The following SOX21 variants were observed in gnomAD, a reference collection of about 807,000 sequenced individuals.
SOX21 encodes SRY-box transcription factor 21.
For synonymous variants in SOX21, 237 were observed against 189.7 expected, an observed-to-expected ratio of 1.25 and a Z score of -2.05; for missense variants, 370 against 388.8, an observed-to-expected ratio of 0.95 and a Z score of 0.41.
Position 94,711,421 on chromosome 13 carries a change from G to T in SOX21, c.629C>A (p.Ala210Glu). The T allele has an allele frequency of 1.6e-6, 1 of 613,328 alleles. No individual in the cohort carries two copies. The allele number at this position is 613,328 out of a possible 1,614,324, so 38.0% of individuals were successfully genotyped here. Residue 210 changes from alanine to glutamate, a missense_variant, in exon 1 of 1, where the codon GCG becomes GAG. Ala to Glu is a moderately radical substitution (Grantham distance 107). Coordinates refer to ENST00000376945, the MANE Select transcript of SOX21 (RefSeq NM_007084.4). ...GGCGGCGGCCGCCGCTGCAGCCGCCGCCGCCGCGCCGTGGAAGGCGCCCGC... is the reference window on the plus strand; with the variant it reads ...GGCGGCGGCCGCCGCTGCAGCCGCCTCCGCCGCGCCGTGGAAGGCGCCCGC... ...AGAGAFHGAA[A>E]AAAAAAAAAG...
rs1438192171 is a variant in SOX21, at chr13:94,711,465, C to A, written c.585G>T (p.Leu195=). The change falls in exon 1 of 1, where the codon CTG becomes CTT. Residue 195 remains leucine (L), a synonymous_variant. Coordinates refer to ENST00000376945, the MANE Select transcript of SOX21 (RefSeq NM_007084.4). ...SSSGLPYASS[L]GYPTAGAGAF... ...CGCCCGCGCCCGCGGTCGGGTAGCC[C>A]AGCGACGACGCGTACGGGAGGCCGG... 1 of 1,036,818 alleles carries A rather than the reference C, an allele frequency of 9.6e-7. No homozygotes were observed. Among genetic ancestry groups the A allele is most frequent in the East Asian group, 8.2e-5 (1 of 12,220 alleles). The allele number at this position is 1,036,818 out of a possible 1,614,324, so 64.2% of individuals were successfully genotyped here.
In SOX21 at chr13:94,711,552, C is replaced by T; in HGVS notation, c.498G>A (p.Ala166=). 1 of 961,606 alleles carries T rather than the reference C, an allele frequency of 1.0e-6. No individual in the cohort carries two copies. The highest frequency in any genetic ancestry group is 1.2e-6 in the Non-Finnish European group (1 of 801,488). The allele number at this position is 961,606 out of a possible 1,614,324, so 59.6% of individuals were successfully genotyped here. A position where few individuals can be genotyped will look rare whatever the true frequency, so the allele number is the denominator to read the frequency against. ...AAAAAAAAAA[A]GSPYSLLDLG... is the part of the protein sequence containing the mutation. ...GGTCGAGCAGCGAGTAGGGGCTGCC[C>T]GCGGCGGCGGCGGCGGCGGCAGCGG... Residue 166 remains alanine, a synonymous_variant, in exon 1 of 1, where the codon GCG becomes GCA. Transcript: ENST00000376945.
rs1232132684 is a variant in SOX21, at chr13:94,712,023, C to T, written c.27G>A (p.Lys9=). The part of the protein sequence containing the change: MSKPVDHV[K]RPMNAFMVWS... ...ACACCATGAAGGCGTTCATGGGCCG[C>T]TTGACGTGGTCCACCGGCTTGGACA... The change falls in exon 1 of 1, where the codon AAG becomes AAA. Residue 9 remains lysine (K), a synonymous_variant. Coordinates refer to ENST00000376945, the MANE Select transcript of SOX21 (RefSeq NM_007084.4). This position sits in a 1 kb window ranked among gnomAD's most constrained non-coding sequence, Gnocchi z 5.0. 1 of 1,613,788 alleles carries T rather than the reference C, an allele frequency of 6.2e-7. No individual in the cohort carries two copies. Among genetic ancestry groups the T allele is most frequent in the African/African-American group, 1.3e-5 (1 of 75,010 alleles).
Position 94,711,416 on chromosome 13 carries a change from C to CGG in SOX21, c.633_634insCC (p.Ala212ProfsTer25), listed in dbSNP as rs1875240175. On this transcript the variant is annotated frameshift_variant, in exon 1 of 1. Transcript: ENST00000376945. LOFTEE classifies it high-confidence loss of function. ...CCGGCGGCGGCGGCCGCCGCTGCAG[C>CGG]CGCCGCCGCCGCGCCGTGGAAGGCG... The CGG allele has an allele frequency of 1.3e-5, 7 of 547,750 alleles. No individual in the cohort carries two copies. Among genetic ancestry groups the CGG allele is most frequent in the East Asian group, 1.3e-4 (1 of 7,574 alleles). The allele number at this position is 547,750 out of a possible 1,614,324, so 33.9% of individuals were successfully genotyped here.
At position 94,712,511 on chromosome 13, in the gene SOX21, A is replaced by G; in HGVS notation, c.-462T>C. The G allele has an allele frequency of 3.0e-6, 3 of 987,834 alleles. No individual in the cohort carries two copies. The highest frequency in any genetic ancestry group is 3.6e-6 in the Non-Finnish European group (3 of 832,194). The allele number at this position is 987,834 out of a possible 1,614,324, so 61.2% of individuals were successfully genotyped here. On this transcript the variant is annotated 5_prime_UTR_variant, in exon 1 of 1. Transcript: ENST00000376945. The surrounding 1 kb of genome is among the most constrained non-coding windows in gnomAD (Gnocchi z 5.0). Reference sequence around the variant, plus strand: ...AGGAGCCCGCCGCCGCGTGCTGCCAAGTGCCAAAGGGGGCTCTCAGCGGCT... The same window carrying G: ...AGGAGCCCGCCGCCGCGTGCTGCCAGGTGCCAAAGGGGGCTCTCAGCGGCT...
chr13:94,711,833 G>C lies in SOX21; in HGVS notation c.217C>G (p.Pro73Ala), dbSNP rs1325502658. Residue 73 changes from proline to alanine, a missense_variant, in exon 1 of 1, where the codon CCC (proline) becomes GCC (alanine). Physicochemically the swap from Pro to Ala is conservative, Grantham distance 27. Coordinates refer to ENST00000376945, the MANE Select transcript of SOX21 (RefSeq NM_007084.4). Reference protein sequence around the residue: ...RLRAMHMKEHPDYKYRPRRKP... With the variant: ...RLRAMHMKEHADYKYRPRRKP... ...CGCCGCGGCCGGTACTTGTAGTCGG[G>C]GTGCTCCTTCATGTGCATGGCGCGT... The C allele has an allele frequency of 6.2e-7, 1 of 1,613,950 alleles. No individual in the cohort carries two copies. The highest frequency in any genetic ancestry group is 8.5e-7 in the Non-Finnish European group (1 of 1,179,940).
In SOX21 at chr13:94,711,563, C is replaced by T; in HGVS notation, c.487G>A (p.Ala163Thr). The T allele has an allele frequency of 2.4e-6, 2 of 839,654 alleles. No homozygotes were observed. Among genetic ancestry groups the T allele is most frequent in the East Asian group, 1.2e-4 (1 of 8,394 alleles). 52.0% of individuals were successfully genotyped at this position (839,654 alleles called of 1,614,324 possible). The change falls in exon 1 of 1, where the codon GCC (alanine) becomes ACC (threonine). Residue 163 changes from alanine (A) to threonine (T), a missense_variant. Transcript: ENST00000376945. ...SAAAAAAAAA[A>T]AAAGSPYSLL... Reference sequence around the variant, plus strand: ...GAGTAGGGGCTGCCCGCGGCGGCGGCGGCGGCGGCAGCGGCGGCGGCAGCG... The same window carrying T: ...GAGTAGGGGCTGCCCGCGGCGGCGGTGGCGGCGGCAGCGGCGGCGGCAGCG...
In SOX21 at chr13:94,712,194, G is replaced by A. The variant is rs1369094001; in HGVS notation, c.-145C>T. ...GGCGTCGCTCCCGCCCCGGAGGAGGGGGCTGGGGGACCAGCCCAGGGCCAC... is the reference window on the plus strand; with the variant it reads ...GGCGTCGCTCCCGCCCCGGAGGAGGAGGCTGGGGGACCAGCCCAGGGCCAC... On this transcript the variant is annotated 5_prime_UTR_variant, in exon 1 of 1. Coordinates refer to ENST00000376945, the MANE Select transcript of SOX21 (RefSeq NM_007084.4). The surrounding 1 kb of genome is among the most constrained non-coding windows in gnomAD (Gnocchi z 5.0). 2.9e-6 allele frequency: 4 copies of A among 1,369,230 alleles called. No homozygotes were observed. Among genetic ancestry groups the A allele is most frequent in the African/African-American group, 1.6e-5 (1 of 64,082 alleles). 84.8% of individuals were successfully genotyped at this position (1,369,230 alleles called of 1,614,324 possible). A position where few individuals can be genotyped will look rare whatever the true frequency, so the allele number is the denominator to read the frequency against.
chr13:94,712,119 G>T lies in SOX21; in HGVS notation c.-70C>A. The T allele has an allele frequency of 2.0e-6, 3 of 1,527,110 alleles. No homozygotes were observed. Among genetic ancestry groups the T allele is most frequent in the Non-Finnish European group, 2.6e-6 (3 of 1,138,736 alleles). 94.6% of individuals were successfully genotyped at this position (1,527,110 alleles called of 1,614,324 possible). ...CGCCCTCGGCCCGGAGGAAATCAAT[G>T]TTGGCTGCCCGCGGAGACCCGCTCG... On this transcript the variant is annotated 5_prime_UTR_variant, in exon 1 of 1. Transcript: ENST00000376945. The surrounding 1 kb of genome is among the most constrained non-coding windows in gnomAD (Gnocchi z 5.0).
rs1390864227 is a variant in SOX21 at position 94,711,746 on chromosome 13, C to T, written c.304G>A (p.Gly102Ser). The T allele has an allele frequency of 1.2e-6, 2 of 1,612,102 alleles. No homozygotes were observed. The highest frequency in any genetic ancestry group is 1.7e-6 in the Non-Finnish European group (2 of 1,179,388). The change falls in exon 1 of 1, where the codon GGC (glycine) becomes AGC (serine). Residue 102 changes from glycine (G) to serine (S), a missense_variant. Physicochemically the swap from Gly to Ser is moderately conservative, Grantham distance 56. Coordinates refer to ENST00000376945, the MANE Select transcript of SOX21 (RefSeq NM_007084.4). ...GCAGGGTGCTCGGCGTCCGCCACGC[C>T]GCCCAGGCCGTAGGGCACCGGGAAG... is the stretch of plus-strand genomic sequence containing the variant. ...FAFPVPYGLG[G>S]VADAEHPALK...
Position 94,712,521 on chromosome 13 carries a change from G to A in SOX21, c.-472C>T. On this transcript the variant is annotated 5_prime_UTR_variant, in exon 1 of 1. Transcript: ENST00000376945. This position sits in a 1 kb window ranked among gnomAD's most constrained non-coding sequence, Gnocchi z 5.0. Reference sequence around the variant, plus strand: ...CGCCGCGTGCTGCCAAGTGCCAAAGGGGGCTCTCAGCGGCTGGAGTGTTTG... The same window carrying A: ...CGCCGCGTGCTGCCAAGTGCCAAAGAGGGCTCTCAGCGGCTGGAGTGTTTG... 1.0e-6 allele frequency: 1 copy of A among 987,880 alleles called. No homozygotes were observed. The highest frequency in any genetic ancestry group is 1.7e-5 in the African/African-American group (1 of 57,380). The allele number at this position is 987,880 out of a possible 1,614,324, so 61.2% of individuals were successfully genotyped here.
chr13:94,711,257 G>C lies in SOX21; in HGVS notation c.793C>G (p.Leu265Val). 2 of 1,374,924 alleles carry C rather than the reference G, an allele frequency of 1.5e-6. No individual in the cohort carries two copies. Among genetic ancestry groups the C allele is most frequent in the Middle Eastern group, 2.5e-4 (1 of 3,930 alleles). The allele number at this position is 1,374,924 out of a possible 1,614,324, so 85.2% of individuals were successfully genotyped here. A position where few individuals can be genotyped will look rare whatever the true frequency, so the allele number is the denominator to read the frequency against. The change falls in exon 1 of 1, where the codon CTG becomes GTG. Residue 265 changes from leucine to valine, a missense_variant. Coordinates refer to ENST00000376945, the MANE Select transcript of SOX21 (RefSeq NM_007084.4). ...GCGTAGGCCGCGGGGTAGGGGTCCA[G>C]CTGGGGCTTGCCCATGCCCGGCAGC... ...ILLPGMGKPQ[L>V]DPYPAAYAAA...
Position 94,711,228 on chromosome 13 carries a change from G to C in SOX21, c.822C>G (p.Ala274=). 1 of 1,351,314 alleles carries C rather than the reference G, an allele frequency of 7.4e-7. No homozygotes were observed. Among genetic ancestry groups the C allele is most frequent in the Non-Finnish European group, 9.5e-7 (1 of 1,057,566 alleles). 83.7% of individuals were successfully genotyped at this position (1,351,314 alleles called of 1,614,324 possible). A position where few individuals can be genotyped will look rare whatever the true frequency, so the allele number is the denominator to read the frequency against. The change falls in exon 1 of 1, where the codon GCC becomes GCG. Residue 274 remains alanine, a synonymous_variant. Coordinates refer to ENST00000376945, the MANE Select transcript of SOX21 (RefSeq NM_007084.4). ...AGGCGGCCCCGCGGGGTCATAGCGC[G>C]GCAGCGTAGGCCGCGGGGTAGGGGT... ...QLDPYPAAYA[A]AL
Position 94,711,453 on chromosome 13 carries a change from G to C in SOX21, c.597C>G (p.Thr199=). The stretch of plus-strand genomic sequence containing the variant: ...CGCCGTGGAAGGCGCCCGCGCCCGC[G>C]GTCGGGTAGCCCAGCGACGACGCGT... ...LPYASSLGYP[T]AGAGAFHGAA... The change falls in exon 1 of 1, where the codon ACC becomes ACG. Residue 199 remains threonine (T), a synonymous_variant. Transcript: ENST00000376945. The C allele has an allele frequency of 9.6e-7, 1 of 1,039,108 alleles. No individual in the cohort carries two copies. The highest frequency in any genetic ancestry group is 4.3e-5 in the South Asian group (1 of 23,404). 64.4% of individuals were successfully genotyped at this position (1,039,108 alleles called of 1,614,324 possible). A position where few individuals can be genotyped will look rare whatever the true frequency, so the allele number is the denominator to read the frequency against.
Position 94,711,232 on chromosome 13 carries a change from G to A in SOX21, c.818C>T (p.Ala273Val). Reference sequence around the variant, plus strand: ...GGCCCCGCGGGGTCATAGCGCGGCAGCGTAGGCCGCGGGGTAGGGGTCCAG... The same window carrying A: ...GGCCCCGCGGGGTCATAGCGCGGCAACGTAGGCCGCGGGGTAGGGGTCCAG... ...PQLDPYPAAY[A>V]AAL Residue 273 changes from alanine (A) to valine (V), a missense_variant, in exon 1 of 1, where the codon GCT becomes GTT. Coordinates refer to ENST00000376945, the MANE Select transcript of SOX21 (RefSeq NM_007084.4). 1 of 1,356,550 alleles carries A rather than the reference G, an allele frequency of 7.4e-7. No homozygotes were observed. The allele number at this position is 1,356,550 out of a possible 1,614,324, so 84.0% of individuals were successfully genotyped here. A position where few individuals can be genotyped will look rare whatever the true frequency, so the allele number is the denominator to read the frequency against.
At position 94,710,984 on chromosome 13, in the gene SOX21, C is replaced by T. The variant is rs1460468579; in HGVS notation, c.*235G>A. 2.6e-6 allele frequency: 1 copy of T among 382,034 alleles called. No individual in the cohort carries two copies. The highest frequency in any genetic ancestry group is 4.6e-6 in the Non-Finnish European group (1 of 217,596). 23.7% of individuals were successfully genotyped at this position (382,034 alleles called of 1,614,324 possible). A position where few individuals can be genotyped will look rare whatever the true frequency, so the allele number is the denominator to read the frequency against. On this transcript the variant is annotated 3_prime_UTR_variant, in exon 1 of 1. Transcript: ENST00000376945. ...AACCGCCTGCTTTCGAGTTGGCTGC[C>T]GAAGTGCGGGTCTGAAATGATCCTG...
rs1311893905 is a variant in SOX21, at chr13:94,712,340, G to A, written c.-291C>T. The A allele has an allele frequency of 9.1e-7, 1 of 1,095,356 alleles. No individual in the cohort carries two copies. The highest frequency in any genetic ancestry group is 1.1e-6 in the Non-Finnish European group (1 of 903,764). 67.9% of individuals were successfully genotyped at this position (1,095,356 alleles called of 1,614,324 possible). ...CGGCAGTTTGCCCTTTACGTTCTTT[G>A]GGTCCTTCGTCTGCAGTGGCGTTTG... On this transcript the variant is annotated 5_prime_UTR_variant, in exon 1 of 1. Transcript: ENST00000376945. The surrounding 1 kb of genome is among the most constrained non-coding windows in gnomAD (Gnocchi z 5.0).
At position 94,712,122 on chromosome 13, in the gene SOX21, G is replaced by T. The variant is rs1875280904; in HGVS notation, c.-73C>A. On this transcript the variant is annotated 5_prime_UTR_variant, in exon 1 of 1. Transcript: ENST00000376945. This position sits in a 1 kb window ranked among gnomAD's most constrained non-coding sequence, Gnocchi z 5.0. ...CCTCGGCCCGGAGGAAATCAATGTT[G>T]GCTGCCCGCGGAGACCCGCTCGGCC... is the stretch of plus-strand genomic sequence containing the variant. The T allele has an allele frequency of 6.6e-7, 1 of 1,515,820 alleles. No homozygotes were observed. The highest frequency in any genetic ancestry group is 2.3e-5 in the Admixed American group (1 of 43,814). 93.9% of individuals were successfully genotyped at this position (1,515,820 alleles called of 1,614,324 possible).
rs890663743 is a variant in SOX21 at position 94,711,325 on chromosome 13, G to C, written c.725C>G (p.Ala242Gly). 1 of 1,307,396 alleles carries C rather than the reference G, an allele frequency of 7.6e-7. No individual in the cohort carries two copies. Among genetic ancestry groups the C allele is most frequent in the South Asian group, 2.6e-5 (1 of 38,984 alleles). The allele number at this position is 1,307,396 out of a possible 1,614,324, so 81.0% of individuals were successfully genotyped here. A position where few individuals can be genotyped will look rare whatever the true frequency, so the allele number is the denominator to read the frequency against. ...PGYMIPCNCS[A>G]WPSPGLQPPL... ...CGGCTGCAGCCCGGGGCTGGGCCAC[G>C]CGCTGCAGTTGCACGGGATCATGTA... is the stretch of plus-strand genomic sequence containing the variant. The change falls in exon 1 of 1, where the codon GCG becomes GGG. Residue 242 changes from alanine to glycine, a missense_variant. Ala to Gly is a moderately conservative substitution (Grantham distance 60). Transcript: ENST00000376945.
Sources: gnomAD v4.1 joint callset for allele counts on GRCh38, gnomAD v4.1.1 for gene constraint, Gnocchi (gnomAD v3.1) non-coding constraint, MANE v1.5 for transcripts, NCBI Gene and HGNC (gene_info 2026-07-23, HGNC 2026-07-21) for gene names.